Variants in NFIL3 observed in about 807,000 individuals in gnomAD.
NFIL3 encodes the protein nuclear factor interleukin-3-regulated protein.
Under a neutral mutation model 10.0 loss-of-function variants are expected in NFIL3, and 5 were observed. That is an observed-to-expected ratio of 0.50 (90% confidence interval 0.26 to 1.06). NFIL3 has a LOEUF of 1.06. Ranked by LOEUF, NFIL3 falls within the 50% of genes least tolerant of loss-of-function variation. NFIL3 has a pLI of 0.13. For missense variants in NFIL3, 436 were observed against 547.6 expected, an observed-to-expected ratio of 0.80 and a Z score of 2.03; for synonymous variants, 202 against 206.5, an observed-to-expected ratio of 0.98 and a Z score of 0.19.
the NFIL3 span, among the ~76,000 whole-genome samples, chr9:91,441,228 ATGAAT>A: frequency 1.3e-5 from 2 of 152,068 alleles, no homozygotes; most frequent in Admixed American, 1.3e-4. Context: ...TGTCCTCTTG[ATGAAT>A]TGATCCCCTT....
chr9:91,463,770 C>T, the NFIL3 span, among the ~76,000 whole-genome samples: 4 of 152,088 alleles, frequency 2.6e-5, no homozygotes, highest in Admixed American at 6.6e-5. Flanking sequence ...AAGTCTGCAG[C>T]GATAATAGTG....
the NFIL3 span, among the ~76,000 whole-genome samples, chr9:91,470,672 C>T: frequency 3.3e-5 from 5 of 152,072 alleles, no homozygotes; most frequent in Admixed American, 3.3e-4. Context: ...TATAAATTTC[C>T]CTCTACACAC....
the NFIL3 span, among the ~76,000 whole-genome samples, chr9:91,466,459 A>G: frequency 1.3e-5 from 2 of 152,170 alleles, no homozygotes; most frequent in African/African-American, 4.8e-5. Context: ...TGTTATGAGC[A>G]TGAGTTTGTT....
At chr9:91,437,764 T>G in the NFIL3 span, among the ~76,000 whole-genome samples, 46 of 152,362 alleles carry the variant, frequency 3.0e-4, no homozygotes, top group African/African-American at 8.9e-4. Context: ...TCATGTATTT[T>G]TGTGTGTGTG....
the NFIL3 span, among the ~76,000 whole-genome samples, chr9:91,436,305 C>T: frequency 2.7e-3 from 413 of 152,184 alleles, 2 homozygotes; most frequent in African/African-American, 9.6e-3. Flanking sequence ...GGGCCGGGCG[C>T]GGTGGCTCAC....
chr9:91,477,276 T>C, the NFIL3 span, among the ~76,000 whole-genome samples: 1 of 152,126 alleles, frequency 6.6e-6, no homozygotes, highest in South Asian at 2.1e-4. Flanking sequence ...CACATGTCAC[T>C]CTCCATCTCA....
chr9:91,464,873 T>G, the NFIL3 span, among the ~76,000 whole-genome samples: 1 of 152,092 alleles, frequency 6.6e-6, no homozygotes, highest in African/African-American at 2.4e-5. Context: ...GATGAGAAGA[T>G]TCTTCTCTTC....
chr9:91,409,872 C>G lies in NFIL3; in HGVS notation c.863G>C (p.Gly288Ala). 6.2e-7 allele frequency: 1 copy of G among 1,614,012 alleles called. No homozygotes were observed. The highest frequency in any genetic ancestry group is 8.5e-7 in the Non-Finnish European group (1 of 1,180,002). ...CTTGGGGACCTGTTGCTCGTCTTCT[C>G]CATCAGATGACTTTCCTACCACACC... is the stretch of plus-strand genomic sequence containing the variant. ...DDGVVGKSSDGEDEQQVPKGP... is the reference protein window; with the variant it reads ...DDGVVGKSSDAEDEQQVPKGP... Residue 288 changes from glycine (G) to alanine (A), a missense_variant, in exon 2 of 2, where the codon GGA (glycine) becomes GCA (alanine). By Grantham distance (60) the Gly-to-Ala change is moderately conservative. Coordinates refer to ENST00000297689, the MANE Select transcript of NFIL3 (RefSeq NM_005384.3).
chr9:91,480,566 C>A, the NFIL3 span, among the ~76,000 whole-genome samples: 1 of 151,810 alleles, frequency 6.6e-6, no homozygotes. Flanking sequence ...ATATAAAAAA[C>A]AACAACAACA....
chr9:91,409,423 C>T lies in NFIL3; in HGVS notation c.1312G>A (p.Ala438Thr), dbSNP rs777223711. 1.9e-6 allele frequency: 3 copies of T among 1,613,614 alleles called. No individual in the cohort carries two copies. Among genetic ancestry groups the T allele is most frequent in the Non-Finnish European group, 8.5e-7 (1 of 1,179,870 alleles). ...PENLYLKQGIANLSAEVVSLK... is the reference protein window; with the variant it reads ...PENLYLKQGITNLSAEVVSLK... ...GAGACAACCTCTGCAGATAAGTTTGCTATCCCCTGCTTCAAATACAAGTTC... is the reference window on the plus strand; with the variant it reads ...GAGACAACCTCTGCAGATAAGTTTGTTATCCCCTGCTTCAAATACAAGTTC... The change falls in exon 2 of 2, where the codon GCA becomes ACA. Residue 438 changes from alanine to threonine, a missense_variant. Physicochemically the swap from Ala to Thr is moderately conservative, Grantham distance 58 (BLOSUM62 0). Around this residue, in one of 3 missense-constraint regions of NFIL3, gnomAD observed 338 missense variants for 399.9 expected, o/e 0.85. Coordinates refer to ENST00000297689, the MANE Select transcript of NFIL3 (RefSeq NM_005384.3).
the NFIL3 span, among the ~76,000 whole-genome samples, chr9:91,447,138 A>G: frequency 3.3e-5 from 5 of 152,270 alleles, no homozygotes; most frequent in South Asian, 8.3e-4. Context: ...AGTCTTAACC[A>G]TGTATAGCAT....
chr9:91,429,807 G>C, the NFIL3 span, among the ~76,000 whole-genome samples: 1 of 151,960 alleles, frequency 6.6e-6, no homozygotes, highest in Non-Finnish European at 1.5e-5. Context: ...GCCAGCTCTC[G>C]GGCAGTCACC....
intron 1 of NFIL3, among the ~76,000 whole-genome samples, chr9:91,416,118 A>G (rs968284348): frequency 1.3e-5 from 2 of 152,092 alleles, no homozygotes; most frequent in African/African-American, 4.8e-5. Context: ...AGAGAAAAAG[A>G]AATATGATAG....
At chr9:91,448,362 C>G in the NFIL3 span, among the ~76,000 whole-genome samples, 68,562 of 151,992 alleles carry the variant, frequency 0.45, 19,333 homozygotes, top group African/African-American at 0.79. Context: ...AAAGCAGAAG[C>G]GGAGTACGTG....
At chr9:91,465,899 T>G in the NFIL3 span, among the ~76,000 whole-genome samples, 1 of 152,010 alleles carries the variant, frequency 6.6e-6, no homozygotes, top group East Asian at 1.9e-4. Flanking sequence ...TTAGAGAGAG[T>G]CTGAGTCTTG....
the NFIL3 span, among the ~76,000 whole-genome samples, chr9:91,477,589 C>T: frequency 6.6e-6 from 1 of 152,072 alleles, no homozygotes; most frequent in Non-Finnish European, 1.5e-5. Context: ...TAACCAGATA[C>T]AAGATCAAAA....
At chr9:91,454,259 C>T in the NFIL3 span, among the ~76,000 whole-genome samples, 2 of 149,964 alleles carry the variant, frequency 1.3e-5, no homozygotes, top group African/African-American at 4.9e-5. Context: ...AAGAATATCA[C>T]AAGTAAAATT....
the NFIL3 span, among the ~76,000 whole-genome samples, chr9:91,440,793 C>G: frequency 6.6e-6 from 1 of 152,052 alleles, no homozygotes; most frequent in Non-Finnish European, 1.5e-5. Flanking sequence ...TGTTTAATTT[C>G]CACATATGTG....
chr9:91,456,105 T>C, the NFIL3 span, among the ~76,000 whole-genome samples: 2 of 152,230 alleles, frequency 1.3e-5, no homozygotes, highest in East Asian at 3.8e-4. Context: ...TATATATCAA[T>C]CGTTTATTCC....
Sources: allele counts gnomAD v4.1 joint callset (sites outside exome capture counted in the v4.1 genomes callset), GRCh38; gene constraint gnomAD v4.1.1; regional missense constraint gnomAD v4.1.1; transcripts MANE v1.5; gene names NCBI Gene and HGNC (gene_info 2026-07-23, HGNC 2026-07-21).